Variants in PLCL2 observed in about 807,000 individuals in gnomAD.
PLCL2 encodes the protein inactive phospholipase C-like protein 2.
PLCL2 carries 4 observed loss-of-function variants against 79.6 expected under a neutral mutation model. The observed-to-expected ratio is 0.05, with a 90% CI of 0.02 to 0.11. PLCL2 has a LOEUF of 0.11. PLCL2 is among the 10% of genes least tolerant of loss of function. The probability of loss-of-function intolerance (pLI) is 1.00; values close to 1 mark genes in which losing one functional copy is unlikely to be tolerated. For synonymous variants in PLCL2, 484 were observed against 457.7 expected (o/e 1.06, Z -0.73); for missense variants, 895 against 1,291.0 (o/e 0.69, Z 4.70).
At chr3:16,931,681 C>T (rs556914862) in intron 1 of PLCL2, among the ~76,000 whole-genome samples, 52 of 152,250 alleles carry the variant, frequency 3.4e-4, no homozygotes, top group African/African-American at 1.1e-3. Context: ...ACGTGAATGA[C>T]CCCAGGCAAG....
chr3:16,891,691 A>G (rs1696354165), intron 1 of PLCL2, among the ~76,000 whole-genome samples: 2 of 152,222 alleles, frequency 1.3e-5, no homozygotes. Flanking sequence ...CAAGATTATT[A>G]ATAGTGCCTC....
chr3:16,971,980 C>T lies in PLCL2; in HGVS notation c.328-37694C>T, dbSNP rs558330047. Among the ~76,000 whole-genome samples the T allele has an allele frequency of 2.2e-3, 341 of 152,118 alleles. 2 individuals are homozygous for T. Among genetic ancestry groups the T allele is most frequent in the African/African-American group, 7.7e-3 (319 of 41,476 alleles). Reference sequence around the variant, plus strand: ...AAAGGCCTTTGACAAAATTCAACAGCCCTTCATGCTAAAAACTCTCAATAA... The same window carrying T: ...AAAGGCCTTTGACAAAATTCAACAGTCCTTCATGCTAAAAACTCTCAATAA... On this transcript the variant is annotated intron_variant, in intron 1 of 5. Transcript: ENST00000615277.
intron 1 of PLCL2, among the ~76,000 whole-genome samples, chr3:16,965,629 G>A (rs1364948119): frequency 2.0e-5 from 3 of 151,404 alleles, no homozygotes; most frequent in Admixed American, 6.6e-5. Flanking sequence ...CCATTTTCAC[G>A]ATATTGATTC....
intron 4 of PLCL2, chr3:17,044,122 A>G (rs1382875619): frequency 6.6e-6 from 1 of 152,360 alleles, no homozygotes; most frequent in East Asian, 1.9e-4. Context: ...TGTGTAGAAC[A>G]GGAGAGGGAC....
At chr3:17,037,319 G>A (rs2064668513) in intron 3 of PLCL2, among the ~76,000 whole-genome samples, 1 of 152,154 alleles carries the variant, frequency 6.6e-6, no homozygotes, top group African/African-American at 2.4e-5. Flanking sequence ...AGTTTGGGGG[G>A]CATTCAGTGG....
chr3:17,055,072 G>T (rs1169065646), intron 4 of PLCL2, among the ~76,000 whole-genome samples: 1 of 152,104 alleles, frequency 6.6e-6, no homozygotes, highest in Non-Finnish European at 1.5e-5. Flanking sequence ...AAGATTAAAA[G>T]ATTAAACAAG....
At position 16,902,881 on chromosome 3, in the gene PLCL2, T is replaced by TGTGTGTGTGTGTGC. The variant is rs1272936432; in HGVS notation, c.327+17516_327+17517insTGTGTGTGTGTGCG. On this transcript the variant is annotated intron_variant, in intron 1 of 5. Transcript: ENST00000615277. ...GTGTGTGTGTGTGTGTGTGTGTGTG[T>TGTGTGTGTGTGTGC]GNGCGCATGTGCATGCTTTGGAAGG... 3.8e-3 allele frequency among the ~76,000 whole-genome samples: 510 copies of TGTGTGTGTGTGTGC among 133,896 alleles called. 4 individuals are homozygous for TGTGTGTGTGTGTGC. The highest frequency in any genetic ancestry group is 0.012 in the South Asian group (48 of 3,970). The allele number at this position is 133,896 out of a possible 152,430, so 87.8% of individuals were successfully genotyped here. A position where few individuals can be genotyped will look rare whatever the true frequency, so the allele number is the denominator to read the frequency against.
chr3:17,012,045 A>G lies in PLCL2; in HGVS notation c.2699A>G (p.Lys900Arg), dbSNP rs750520014. The G allele has an allele frequency of 2.5e-6, 4 of 1,614,122 alleles. No homozygotes were observed. In the Admixed American group the frequency reaches 6.7e-5, roughly 27 times the overall value. Residue 900 changes from lysine to arginine, a missense_variant, in exon 2 of 6, where the codon AAG becomes AGG. Transcript: ENST00000615277. Reference protein sequence around the residue: ...HKRGLSVRKGKKSREYASLRT... With the variant: ...HKRGLSVRKGRKSREYASLRT... ...AGGGGCCTTTCTGTGAGAAAAGGGA[A>G]GAAATCCAGGGAATATGCATCTTTG...
intron 1 of PLCL2, among the ~76,000 whole-genome samples, chr3:17,001,947 C>A (rs2064216106): frequency 6.6e-6 from 1 of 151,920 alleles, no homozygotes; most frequent in Non-Finnish European, 1.5e-5. Context: ...GTAGTATGGA[C>A]ATCTTAACAA....
intron 5 of PLCL2, among the ~76,000 whole-genome samples, chr3:17,087,356 C>T (rs758431661): frequency 1.3e-5 from 2 of 152,120 alleles, no homozygotes; most frequent in Non-Finnish European, 2.9e-5. Flanking sequence ...AGCCATGAGA[C>T]GACATGGAGG....
At chr3:17,049,171 A>C (rs571847609) in intron 4 of PLCL2, among the ~76,000 whole-genome samples, 2 of 152,184 alleles carry the variant, frequency 1.3e-5, no homozygotes, top group Non-Finnish European at 2.9e-5. Context: ...AGGCACACCT[A>C]TAGACTAATA....
chr3:16,964,189 C>T (rs2063782765), intron 1 of PLCL2, among the ~76,000 whole-genome samples: 1 of 141,708 alleles, frequency 7.1e-6, no homozygotes, highest in Non-Finnish European at 1.5e-5. Context: ...CTCCCCACGA[C>T]AGGCCCCAGT....
intron 1 of PLCL2, among the ~76,000 whole-genome samples, chr3:16,967,431 AT>A (rs977348474): frequency 6.6e-6 from 1 of 151,884 alleles, no homozygotes. Context: ...AGCATCTGTT[AT>A]TTTTTGGCTT....
intron 1 of PLCL2, among the ~76,000 whole-genome samples, chr3:16,968,758 T>A (rs748139672): frequency 2.6e-5 from 4 of 151,958 alleles, no homozygotes; most frequent in Non-Finnish European, 5.9e-5. Context: ...GGATGCCTTT[T>A]ATTTCTTTCT....
At chr3:16,929,635 C>T (rs1306377845) in intron 1 of PLCL2, among the ~76,000 whole-genome samples, 2 of 152,134 alleles carry the variant, frequency 1.3e-5, no homozygotes, top group African/African-American at 2.4e-5. Context: ...TTTTTCTGAC[C>T]AGGAATAGCA....
intron 5 of PLCL2, among the ~76,000 whole-genome samples, chr3:17,074,567 T>C (rs62247256): frequency 0.22 from 33,149 of 152,156 alleles, 3,977 homozygotes; most frequent in East Asian, 0.54. Context: ...CATTGACTTC[T>C]CCTTTTGAGC....
intron 1 of PLCL2, among the ~76,000 whole-genome samples, chr3:16,942,278 C>T (rs1408732373): frequency 2.0e-5 from 3 of 152,188 alleles, no homozygotes; most frequent in Admixed American, 6.5e-5. Flanking sequence ...TCTGCAATTA[C>T]ATAGGCGAAA....
chr3:16,982,646 T>C (rs1228873380), intron 1 of PLCL2, among the ~76,000 whole-genome samples: 4 of 152,222 alleles, frequency 2.6e-5, no homozygotes, highest in Non-Finnish European at 2.9e-5. Flanking sequence ...CTCTTTTTCC[T>C]CTTCCTTAAG....
rs1434801505 is a variant in PLCL2 at position 17,090,576 on chromosome 3, TA to T, written c.*669del. 1 of 152,394 alleles carries T rather than the reference TA, an allele frequency of 6.6e-6. No homozygotes were observed. Among genetic ancestry groups the T allele is most frequent in the Non-Finnish European group, 1.5e-5 (1 of 68,052 alleles). 9.4% of individuals were successfully genotyped at this position (152,394 alleles called of 1,614,324 possible). On this transcript the variant is annotated 3_prime_UTR_variant, in exon 6 of 6. Transcript: ENST00000615277. ...TCATTGTATGAAGTAGTGTTCACATTAAAAAGATGTTTTATGATATTTCTCC... is the reference window on the plus strand; with the variant it reads ...TCATTGTATGAAGTAGTGTTCACATTAAAAGATGTTTTATGATATTTCTCC...
Sources: gnomAD v4.1 joint callset for allele counts (sites outside exome capture counted in the v4.1 genomes callset) on GRCh38, gnomAD v4.1.1 for gene constraint, MANE v1.5 for transcripts, NCBI Gene and HGNC (gene_info 2026-07-23, HGNC 2026-07-21) for gene names.